Variants in GJC3 observed in about 807,000 individuals in gnomAD.
The protein encoded by GJC3 is gap junction protein gamma 3.
A neutral mutation model predicts 19.8 loss-of-function variants in GJC3; 17 were observed. The observed-to-expected ratio is 0.86, with a 90% confidence interval of 0.59 to 1.29. The LOEUF is 1.29. Ranked by LOEUF, GJC3 falls within the 50% of genes most tolerant of loss-of-function variation. The probability of loss-of-function intolerance (pLI) is 0.00; values close to 1 mark genes in which losing one functional copy is unlikely to be tolerated. For synonymous variants in GJC3, 140 were observed against 136.5 expected (o/e 1.03, Z -0.18); for missense variants, 317 against 332.5 (o/e 0.95, Z 0.36).
At chr7:99,927,212 GA>G (rs1387882391) in intron 1 of GJC3, among the ~76,000 whole-genome samples, 2 of 152,248 alleles carry the variant, frequency 1.3e-5, no homozygotes, top group Non-Finnish European at 2.9e-5. Context: ...CTTAGGCAAG[GA>G]AAGTTAGAGT....
At position 99,928,947 on chromosome 7, in the gene GJC3, T is replaced by A; in HGVS notation, c.674A>T (p.Lys225Ile). The A allele has an allele frequency of 6.2e-7, 1 of 1,614,140 alleles. No individual in the cohort carries two copies. Among genetic ancestry groups the A allele is most frequent in the Non-Finnish European group, 8.5e-7 (1 of 1,180,004 alleles). Residue 225 changes from lysine (K) to isoleucine (I), a missense_variant, in exon 1 of 2, where the codon AAA (lysine) becomes ATA (isoleucine). Physicochemically the swap from Lys to Ile is moderately radical, Grantham distance 102. Transcript: ENST00000312891. ...TAGGAAGTATTTAGAAGAGGAAGATTTGTGCTTCCAGGTCCTCCACCATCT... is the reference window on the plus strand; with the variant it reads ...TAGGAAGTATTTAGAAGAGGAAGATATGTGCTTCCAGGTCCTCCACCATCT... ...LGRWWRTWKHKSSSSKYFLTS... is the reference protein window; with the variant it reads ...LGRWWRTWKHISSSSKYFLTS...
chr7:99,923,539 T>C lies in GJC3; in HGVS notation c.*6A>G. 3.8e-6 allele frequency: 3 copies of C among 780,784 alleles called. No homozygotes were observed. The highest frequency in any genetic ancestry group is 2.4e-4 in the Middle Eastern group (1 of 4,164). The allele number at this position is 780,784 out of a possible 1,614,324, so 48.4% of individuals were successfully genotyped here. A position where few individuals can be genotyped will look rare whatever the true frequency, so the allele number is the denominator to read the frequency against. ...TGAGGAAAGTTGGCCAAAGTTCATC[T>C]CCAACTCAGGCATCTCTGGGTCCAA... On this transcript the variant is annotated 3_prime_UTR_variant, in exon 2 of 2. Transcript: ENST00000312891.
At chr7:99,927,636 G>C (rs1348468132) in intron 1 of GJC3, among the ~76,000 whole-genome samples, 3 of 135,078 alleles carry the variant, frequency 2.2e-5, no homozygotes, top group African/African-American at 3.7e-5. Context: ...GCAGCGTTCT[G>C]TTAAAAAAAA....
rs1218591542 is a variant in GJC3 at position 99,926,684 on chromosome 7, A to C, written c.781+2156T>G. ...TTTTGGGTGCTAATAAGAGTTTGAGAGTAACATGAGGGGGTAGGGTTTTTT... is the reference window on the plus strand; with the variant it reads ...TTTTGGGTGCTAATAAGAGTTTGAGCGTAACATGAGGGGGTAGGGTTTTTT... On this transcript the variant is annotated intron_variant, in intron 1 of 1. Transcript: ENST00000312891. Among the ~76,000 whole-genome samples, 6 of 152,170 alleles carry C rather than the reference A, an allele frequency of 3.9e-5. No individual in the cohort carries two copies. The East Asian group carries it at 1.2e-3, about 29-fold the overall frequency.
At chr7:99,927,903 G>A (rs2115586737) in intron 1 of GJC3, among the ~76,000 whole-genome samples, 1 of 152,356 alleles carries the variant, frequency 6.6e-6, no homozygotes, top group South Asian at 2.1e-4. Context: ...AACGAGAACT[G>A]CAGAAATGAA....
chr7:99,927,618 A>G (rs2527900), intron 1 of GJC3, among the ~76,000 whole-genome samples: 56,013 of 149,146 alleles, frequency 0.38, 11,399 homozygotes, highest in Non-Finnish European at 0.46. Flanking sequence ...GAAAACTAAG[A>G]AAAGAGGGCA....
intron 1 of GJC3, among the ~76,000 whole-genome samples, chr7:99,926,540 T>C (rs1584282384): frequency 6.6e-6 from 1 of 152,278 alleles, no homozygotes; most frequent in South Asian, 2.1e-4. Context: ...ACAACATGAA[T>C]GAACCTCAAG....
chr7:99,928,993 G>C lies in GJC3; in HGVS notation c.628C>G (p.Leu210Val), dbSNP rs755928208. The C allele has an allele frequency of 6.2e-7, 1 of 1,614,166 alleles. No homozygotes were observed. Among genetic ancestry groups the C allele is most frequent in the East Asian group, 2.2e-5 (1 of 44,890 alleles). Residue 210 changes from leucine (L) to valine (V), a missense_variant, in exon 1 of 2, where the codon CTT (leucine) becomes GTT (valine). Transcript: ENST00000312891. ...CATCTCCCCAAACCCAGAAGCACAA[G>C]CTCCAAAAAAGTAAACAAGAGACAG... Reference protein sequence around the residue: ...GFCLLFTFLELVLLGLGRWWR... With the variant: ...GFCLLFTFLEVVLLGLGRWWR...
chr7:99,928,794 T>C (rs1250358317), intron 1 of GJC3, 46 bp downstream of exon 1: 6 of 1,580,306 alleles, frequency 3.8e-6, no homozygotes, highest in South Asian at 1.1e-5. Context: ...GAGGAGATCA[T>C]CAGGACACAA....
Position 99,928,965 on chromosome 7 carries a change from C to G in GJC3, c.656G>C (p.Trp219Ser). Reference protein sequence around the residue: ...ELVLLGLGRWWRTWKHKSSSS... With the variant: ...ELVLLGLGRWSRTWKHKSSSS... ...GGAAGATTTGTGCTTCCAGGTCCTC[C>G]ACCATCTCCCCAAACCCAGAAGCAC... Residue 219 changes from tryptophan to serine, a missense_variant, in exon 1 of 2, where the codon TGG (tryptophan) becomes TCG (serine). By Grantham distance (177) the Trp-to-Ser change is radical. Coordinates refer to ENST00000312891, the MANE Select transcript of GJC3 (RefSeq NM_181538.3). The G allele has an allele frequency of 1.9e-6, 3 of 1,614,158 alleles. No individual in the cohort carries two copies. The highest frequency in any genetic ancestry group is 1.7e-6 in the Non-Finnish European group (2 of 1,180,022).
chr7:99,926,737 G>T (rs557531785), intron 1 of GJC3, among the ~76,000 whole-genome samples: 1 of 152,104 alleles, frequency 6.6e-6, no homozygotes, highest in Admixed American at 6.6e-5. Flanking sequence ...TATTAAATTG[G>T]TAGTGTTGAT....
At chr7:99,927,409 C>G (rs1380958876) in intron 1 of GJC3, among the ~76,000 whole-genome samples, 2 of 151,950 alleles carry the variant, frequency 1.3e-5, no homozygotes, top group Non-Finnish European at 2.9e-5. Flanking sequence ...TGCGTTTTTC[C>G]TTGGTCACTT....
Position 99,923,330 on chromosome 7 carries a change from A to G in GJC3, c.*215T>C. ...AGGAGGACACTGGGAATAATTCCCC[A>G]AAGCAATGCCTCCCTGAGCAATGGT... On this transcript the variant is annotated 3_prime_UTR_variant, in exon 2 of 2. Coordinates refer to ENST00000312891, the MANE Select transcript of GJC3 (RefSeq NM_181538.3). The G allele has an allele frequency of 1.7e-6, 1 of 597,252 alleles. No individual in the cohort carries two copies. The highest frequency in any genetic ancestry group is 2.0e-5 in the South Asian group (1 of 51,158). The allele number at this position is 597,252 out of a possible 1,614,324, so 37.0% of individuals were successfully genotyped here.
In GJC3 at chr7:99,929,013, A is replaced by T. The variant is rs758650651; in HGVS notation, c.608T>A (p.Leu203His). 1.9e-6 allele frequency: 3 copies of T among 1,614,214 alleles called. No individual in the cohort carries two copies. In the South Asian group the frequency reaches 3.3e-5, roughly 18 times the overall value. Residue 203 changes from leucine to histidine, a missense_variant, in exon 1 of 2, where the codon CTC becomes CAC. Coordinates refer to ENST00000312891, the MANE Select transcript of GJC3 (RefSeq NM_181538.3). Reference sequence around the variant, plus strand: ...CACAAGCTCCAAAAAAGTAAACAAGAGACAGAAACCGCTGACTCCAAACAT... The same window carrying T: ...CACAAGCTCCAAAAAAGTAAACAAGTGACAGAAACCGCTGACTCCAAACAT... ...KTMFGVSGFC[L>H]LFTFLELVLL...
Position 99,929,351 on chromosome 7 carries a change from G to A in GJC3, c.270C>T (p.Leu90=). ...QVILVAVPSA[L]YMGFTLYHVI... Reference sequence around the variant, plus strand: ...CGTGATACAGAGTGAAACCCATATAGAGGGCGCTGGGTACAGCCACCAAGA... The same window carrying A: ...CGTGATACAGAGTGAAACCCATATAAAGGGCGCTGGGTACAGCCACCAAGA... Residue 90 remains leucine (L), a synonymous_variant, in exon 1 of 2, where the codon CTC becomes CTT. Coordinates refer to ENST00000312891, the MANE Select transcript of GJC3 (RefSeq NM_181538.3). The A allele has an allele frequency of 1.9e-6, 3 of 1,614,146 alleles. No homozygotes were observed. Among genetic ancestry groups the A allele is most frequent in the East Asian group, 4.5e-5 (2 of 44,878 alleles).
upstream of GJC3, chr7:99,929,625 T>C: frequency 1.2e-6 from 2 of 1,600,552 alleles, no homozygotes; most frequent in East Asian, 2.2e-5. Flanking sequence ...ACACATCCTG[T>C]TTTGGAGCAG....
intron 1 of GJC3, among the ~76,000 whole-genome samples, chr7:99,924,293 A>T (rs1168351605): frequency 6.6e-6 from 1 of 152,128 alleles, no homozygotes; most frequent in East Asian, 1.9e-4. Flanking sequence ...GCCCATGCCT[A>T]AAAAGGGAGT....
Position 99,929,140 on chromosome 7 carries a change from A to C in GJC3, c.481T>G (p.Phe161Val). 1 of 1,613,836 alleles carries C rather than the reference A, an allele frequency of 6.2e-7. No homozygotes were observed. The highest frequency in any genetic ancestry group is 8.5e-7 in the Non-Finnish European group (1 of 1,179,986). ...ALGLQYHLYG[F>V]QMPSSFACRR... ...CATGCAAAGGAGCTGGGCATCTGGA[A>C]CCCATACAGGTGGTACTGCAACCCC... is the stretch of plus-strand genomic sequence containing the variant. Residue 161 changes from phenylalanine (F) to valine (V), a missense_variant, in exon 1 of 2, where the codon TTC becomes GTC. By Grantham distance (50) the Phe-to-Val change is conservative (BLOSUM62 -1). Transcript: ENST00000312891.
At chr7:99,930,721 G>A (rs918412045), upstream of GJC3, among the ~76,000 whole-genome samples, 2 of 152,122 alleles carry the variant, frequency 1.3e-5, no homozygotes, top group African/African-American at 4.8e-5. Context: ...TCTTATCTGC[G>A]ATTTCACTTT....
Sources: gnomAD v4.1 joint callset for allele counts (sites outside exome capture counted in the v4.1 genomes callset) on GRCh38, gnomAD v4.1.1 for gene constraint, MANE v1.5 for transcripts, NCBI Gene and HGNC (gene_info 2026-07-23, HGNC 2026-07-21) for gene names.